The following GSG1L variants were observed in gnomAD, a reference collection of about 807,000 sequenced individuals.
The protein encoded by GSG1L is germ cell-specific gene 1-like protein.
GSG1L carries 24 observed loss-of-function variants against 42.1 expected under a neutral mutation model. The ratio of observed to expected loss-of-function variants is 0.57; its 90% CI spans 0.41 to 0.80. GSG1L has a LOEUF of 0.80. Ranked by LOEUF, GSG1L falls within the 30% of genes least tolerant of loss-of-function variation. The pLI, the probability that GSG1L is intolerant of heterozygous loss-of-function variation, is 0.00. For missense variants in GSG1L, 445 were observed against 472.2 expected (o/e 0.94, Z 0.53); for synonymous variants, 215 against 203.5 (o/e 1.06, Z -0.48).
intron 1 of GSG1L, among the ~76,000 whole-genome samples, chr16:28,052,594 T>C (rs2086232474): frequency 6.6e-6 from 1 of 152,044 alleles, no homozygotes; most frequent in Admixed American, 6.6e-5. Flanking sequence ...CCATGGAAAA[T>C]CAGAGATGGA....
intron 2 of GSG1L, among the ~76,000 whole-genome samples, chr16:27,898,426 G>T (rs866659516): frequency 7.2e-6 from 1 of 139,654 alleles, no homozygotes; most frequent in Non-Finnish European, 1.5e-5. Context: ...CTCTAAAAGG[G>T]GGCTGCTGTG....
At chr16:27,927,302 T>A (rs1006971583) in intron 2 of GSG1L, among the ~76,000 whole-genome samples, 1 of 151,926 alleles carries the variant, frequency 6.6e-6, no homozygotes, top group African/African-American at 2.4e-5. Flanking sequence ...GGTACGTGCC[T>A]AATTTTTCAA....
intron 1 of GSG1L, among the ~76,000 whole-genome samples, chr16:28,029,790 A>G (rs2085937802): frequency 6.6e-6 from 1 of 152,230 alleles, no homozygotes; most frequent in African/African-American, 2.4e-5. Context: ...GCAGCTTAGG[A>G]TGCAACTCTT....
intron 6 of GSG1L, among the ~76,000 whole-genome samples, chr16:27,794,915 A>T (rs1333632773): frequency 6.6e-6 from 1 of 151,950 alleles, no homozygotes; most frequent in Non-Finnish European, 1.5e-5. Context: ...TCTGGGAAGC[A>T]TTCCATAGCC....
intron 1 of GSG1L, among the ~76,000 whole-genome samples, chr16:28,052,020 C>T (rs1158093280): frequency 6.6e-6 from 1 of 152,048 alleles, no homozygotes; most frequent in Non-Finnish European, 1.5e-5. Flanking sequence ...TGGTGAGACT[C>T]TGGATGTGTT....
chr16:27,811,187 C>A (rs1344693184), intron 5 of GSG1L, among the ~76,000 whole-genome samples: 1 of 152,140 alleles, frequency 6.6e-6, no homozygotes, highest in Admixed American at 6.5e-5. Flanking sequence ...CAAATAGACT[C>A]AAATTAAACA....
chr16:28,063,182 G>C lies in GSG1L; in HGVS notation c.243C>G (p.Pro81=), dbSNP rs1353603738. The C allele has an allele frequency of 2.3e-6, 3 of 1,324,288 alleles. No homozygotes were observed. Among genetic ancestry groups the C allele is most frequent in the Admixed American group, 3.4e-5 (1 of 29,584 alleles). The allele number at this position is 1,324,288 out of a possible 1,614,324, so 82.0% of individuals were successfully genotyped here. Residue 81 remains proline, a synonymous_variant, in exon 1 of 7, where the codon CCC becomes CCG. Coordinates refer to ENST00000447459, the MANE Select transcript of GSG1L (RefSeq NM_001109763.2). This position sits in a 1 kb window ranked among gnomAD's most constrained non-coding sequence, Gnocchi z 5.8. ...CCCAGCTGTAGAGCGCGCCGCCAGG[G>C]GGGCCGTTCCCCGAGGCGGTGGCGG... ...AAAATASGNG[P]PGGALYSWET...
chr16:27,849,070 C>G (rs2083475324), intron 3 of GSG1L, among the ~76,000 whole-genome samples: 1 of 151,954 alleles, frequency 6.6e-6, no homozygotes, highest in Admixed American at 6.6e-5. Flanking sequence ...GTGGCACATG[C>G]CTCCGCTACT....
intron 3 of GSG1L, among the ~76,000 whole-genome samples, chr16:27,855,742 AG>A (rs1440634840): frequency 2.8e-4 from 34 of 120,564 alleles, no homozygotes; most frequent in East Asian, 1.2e-3. Flanking sequence ...AAAAAAAAAG[AG>A]ACCAACGGAA....
At chr16:27,892,122 T>C (rs1236513794) in intron 2 of GSG1L, among the ~76,000 whole-genome samples, 1 of 151,978 alleles carries the variant, frequency 6.6e-6, no homozygotes, top group Non-Finnish European at 1.5e-5. Flanking sequence ...CAGTCCAATT[T>C]GAGAACCAGG....
At chr16:28,001,372 G>C (rs2085576565) in intron 1 of GSG1L, among the ~76,000 whole-genome samples, 1 of 152,208 alleles carries the variant, frequency 6.6e-6, no homozygotes, top group African/African-American at 2.4e-5. Flanking sequence ...TGCCCACGTG[G>C]AAGTGTATGC....
intron 2 of GSG1L, among the ~76,000 whole-genome samples, chr16:27,921,717 G>A (rs1317957500): frequency 6.6e-6 from 1 of 152,176 alleles, no homozygotes; most frequent in African/African-American, 2.4e-5. Context: ...GCTTGGATAT[G>A]CCCTGTATAT....
chr16:28,026,435 C>T (rs1383551216), intron 1 of GSG1L, among the ~76,000 whole-genome samples: 2 of 152,170 alleles, frequency 1.3e-5, no homozygotes, highest in Admixed American at 6.5e-5. Flanking sequence ...TGGACTAGAG[C>T]AGGAAGCAGG....
chr16:27,871,744 C>T (rs1470465079), intron 3 of GSG1L, among the ~76,000 whole-genome samples: 2 of 152,170 alleles, frequency 1.3e-5, no homozygotes, highest in Non-Finnish European at 2.9e-5. Context: ...ATGGATGAAA[C>T]TTGAAAGCGT....
intron 1 of GSG1L, among the ~76,000 whole-genome samples, chr16:27,990,114 G>C (rs747970403): frequency 6.6e-6 from 1 of 152,082 alleles, no homozygotes; most frequent in Non-Finnish European, 1.5e-5. Flanking sequence ...AGCAGAACAA[G>C]AATTACTCAC....
Position 27,790,995 on chromosome 16 carries a change from G to A in GSG1L, c.*375C>T. 5.4e-6 allele frequency: 1 copy of A among 185,178 alleles called. No individual in the cohort carries two copies. The highest frequency in any genetic ancestry group is 1.1e-5 in the Non-Finnish European group (1 of 90,044). The allele number at this position is 185,178 out of a possible 1,614,324, so 11.5% of individuals were successfully genotyped here. A position where few individuals can be genotyped will look rare whatever the true frequency, so the allele number is the denominator to read the frequency against. On this transcript the variant is annotated 3_prime_UTR_variant, in exon 7 of 7. Transcript: ENST00000447459. ...CCCCTCCTTCAGGAAGCCACTCTCTGCCCCCCAAAGGGCTCTGCCCCTCTG... is the reference window on the plus strand; with the variant it reads ...CCCCTCCTTCAGGAAGCCACTCTCTACCCCCCAAAGGGCTCTGCCCCTCTG...
intron 2 of GSG1L, among the ~76,000 whole-genome samples, chr16:27,898,828 G>A (rs549182314): frequency 5.9e-5 from 9 of 152,296 alleles, no homozygotes; most frequent in African/African-American, 2.2e-4. Context: ...AAAATCACAA[G>A]AGAATCTAGA....
intron 1 of GSG1L, among the ~76,000 whole-genome samples, chr16:27,977,559 C>CA (rs34588077): frequency 0.24 from 10,723 of 44,872 alleles, 1,968 homozygotes; most frequent in Non-Finnish European, 0.28. Context: ...CACCCTGCCT[C>CA]AAAAAAAAAA....
At chr16:27,907,126 G>A (rs1055741988) in intron 2 of GSG1L, among the ~76,000 whole-genome samples, 1 of 152,204 alleles carries the variant, frequency 6.6e-6, no homozygotes, top group African/African-American at 2.4e-5. Flanking sequence ...CTGGGAATTT[G>A]CAGAAACATC....
Sources: gnomAD v4.1 joint callset for allele counts (sites outside exome capture counted in the v4.1 genomes callset) on GRCh38, gnomAD v4.1.1 for gene constraint, Gnocchi (gnomAD v3.1) non-coding constraint, MANE v1.5 for transcripts, NCBI Gene and HGNC (gene_info 2026-07-23, HGNC 2026-07-21) for gene names.